Variants in ATP6V0A4 observed in about 807,000 individuals in gnomAD.
ATP6V0A4 encodes the protein ATPase H+ transporting V0 subunit a4.
A neutral mutation model predicts 107.3 loss-of-function variants in ATP6V0A4; 86 were observed. The ratio of observed to expected loss-of-function variants is 0.80; its 90% CI spans 0.67 to 0.96. ATP6V0A4 has a LOEUF of 0.96. Ranked by LOEUF, ATP6V0A4 falls within the 40% of genes least tolerant of loss-of-function variation. The probability of loss-of-function intolerance (pLI) is 0.00; values close to 1 mark genes in which losing one functional copy is unlikely to be tolerated. For missense variants in ATP6V0A4, 908 were observed against 1,045.6 expected, an observed-to-expected ratio of 0.87 and a Z score of 1.81; for synonymous variants, 353 against 381.4, an observed-to-expected ratio of 0.93 and a Z score of 0.87.
chr7:138,718,480 G>T (rs1804234438), intron 19 of ATP6V0A4, among the ~76,000 whole-genome samples: 6 of 127,260 alleles, frequency 4.7e-5, no homozygotes, highest in South Asian at 2.9e-4. Context: ...ATGGCGGGGA[G>T]GGTGCAGTCA....
At chr7:138,729,033 G>C (rs957479219) in intron 17 of ATP6V0A4, 171 bp from the exon 18 acceptor site, 4 of 826,326 alleles carry the variant, frequency 4.8e-6, no homozygotes, top group Non-Finnish European at 5.8e-6. Flanking sequence ...CTTGCAGATA[G>C]AGAAATATCT....
intron 2 of ATP6V0A4, among the ~76,000 whole-genome samples, chr7:138,784,277 TATACATATATATAC>T (rs1471291684): frequency 2.8e-5 from 1 of 35,490 alleles, no homozygotes; most frequent in Non-Finnish European, 5.9e-5. Flanking sequence ...CATATATATA[TATACATATATATAC>T]ACACACACAC....
chr7:138,789,270 C>T (rs1034600881), intron 1 of ATP6V0A4, among the ~76,000 whole-genome samples: 2 of 151,638 alleles, frequency 1.3e-5, no homozygotes, highest in African/African-American at 4.8e-5. Context: ...CTTTTTGAGA[C>T]AGAGTCTCGC....
intron 15 of ATP6V0A4, among the ~76,000 whole-genome samples, chr7:138,737,795 C>G (rs1422560650): frequency 7.0e-6 from 1 of 142,482 alleles, no homozygotes; most frequent in Non-Finnish European, 1.5e-5. Flanking sequence ...GGCTCTCACT[C>G]TGGTTGCCTA....
intron 16 of ATP6V0A4, among the ~76,000 whole-genome samples, chr7:138,733,452 T>C (rs1178205884): frequency 6.6e-6 from 1 of 151,748 alleles, no homozygotes; most frequent in Non-Finnish European, 1.5e-5. Flanking sequence ...GGATATATAA[T>C]GGGGACCTGG....
chr7:138,771,357 AGGG>A, intron 2 of ATP6V0A4, 93 bp from the exon 3 acceptor site: 3 of 1,405,182 alleles, frequency 2.1e-6, no homozygotes, highest in Admixed American at 4.1e-5. Flanking sequence ...AAAATCTAAC[AGGG>A]AAAAAAAATC....
At chr7:138,720,291 C>T (rs1021632979) in intron 19 of ATP6V0A4, among the ~76,000 whole-genome samples, 7 of 152,126 alleles carry the variant, frequency 4.6e-5, no homozygotes, top group African/African-American at 1.7e-4. Context: ...GGGAGGCACA[C>T]ATTTGCCTGG....
chr7:138,726,611 G>A (rs945957527), intron 18 of ATP6V0A4, among the ~76,000 whole-genome samples: 2 of 152,214 alleles, frequency 1.3e-5, no homozygotes, highest in African/African-American at 2.4e-5. Context: ...TATGTATTAG[G>A]TCTGTAGGAT....
intron 1 of ATP6V0A4, among the ~76,000 whole-genome samples, chr7:138,786,924 A>G (rs1045111625): frequency 6.6e-6 from 1 of 152,236 alleles, no homozygotes; most frequent in Non-Finnish European, 1.5e-5. Flanking sequence ...AGAAAAAAAA[A>G]GAATTTAAAT....
intron 8 of ATP6V0A4, among the ~76,000 whole-genome samples, chr7:138,757,742 C>A (rs10277746): frequency 0.028 from 4,271 of 152,198 alleles, 211 homozygotes; most frequent in African/African-American, 0.098. Flanking sequence ...AAATAAAAAT[C>A]CACATGCATA....
chr7:138,752,292 C>A (rs1394636774), intron 11 of ATP6V0A4, among the ~76,000 whole-genome samples: 1 of 151,924 alleles, frequency 6.6e-6, no homozygotes, highest in Non-Finnish European at 1.5e-5. Flanking sequence ...ATCACTTGAA[C>A]CCGGGAGGCA....
At chr7:138,718,229 TGCGC>T (rs375437432) in intron 19 of ATP6V0A4, among the ~76,000 whole-genome samples, 1,321 of 15,390 alleles carry the variant, frequency 0.086, 414 homozygotes, top group Non-Finnish European at 0.099. Flanking sequence ...TGTGTGTGTG[TGCGC>T]GCAGTTATGG....
chr7:138,732,876 C>A lies in ATP6V0A4; in HGVS notation c.1908+1G>T, dbSNP rs775648355. 6.3e-7 allele frequency: 1 copy of A among 1,593,188 alleles called. No individual in the cohort carries two copies. Among genetic ancestry groups the A allele is most frequent in the South Asian group, 1.1e-5 (1 of 88,186 alleles). On this transcript the variant is annotated splice_donor_variant, in intron 17 of 21. Coordinates refer to ENST00000310018, the MANE Select transcript of ATP6V0A4 (RefSeq NM_020632.3). LOFTEE classifies it high-confidence loss of function. ...TAAAAAAAAAAAAATAGCAGAAATA[C>A]CTGATGTTTGTAGAGGGGTGCGTTG...
chr7:138,762,866 C>T (rs200735521), intron 6 of ATP6V0A4, 34 bp downstream of exon 6: 11 of 1,608,118 alleles, frequency 6.8e-6, no homozygotes, highest in East Asian at 6.7e-5. Context: ...TTCTGAGGAA[C>T]GGGCCCTTTA....
intron 2 of ATP6V0A4, among the ~76,000 whole-genome samples, chr7:138,777,018 G>A (rs990587326): frequency 6.6e-5 from 10 of 151,924 alleles, no homozygotes; most frequent in Non-Finnish European, 1.0e-4. Flanking sequence ...GTGTGGTGGC[G>A]TGTGCCTGTA....
chr7:138,707,526 C>T (rs1215516475), intron 21 of ATP6V0A4, among the ~76,000 whole-genome samples: 7 of 147,580 alleles, frequency 4.7e-5, no homozygotes, highest in Non-Finnish European at 1.0e-4. Context: ...CTCAGCCTTC[C>T]GAGTAGCTGG....
intron 8 of ATP6V0A4, among the ~76,000 whole-genome samples, chr7:138,757,402 G>A (rs1806565542): frequency 6.6e-6 from 1 of 152,136 alleles, no homozygotes; most frequent in South Asian, 2.1e-4. Context: ...TGTGGTCCCA[G>A]CTACCAGGAA....
At chr7:138,710,230 C>T (rs952317761) in intron 20 of ATP6V0A4, among the ~76,000 whole-genome samples, 2 of 140,854 alleles carry the variant, frequency 1.4e-5, no homozygotes, top group African/African-American at 2.7e-5. Flanking sequence ...TCGCTCTTGT[C>T]GCCCAGTCTG....
chr7:138,759,515 C>A (rs1254643469), intron 8 of ATP6V0A4, among the ~76,000 whole-genome samples: 1 of 152,002 alleles, frequency 6.6e-6, no homozygotes, highest in Non-Finnish European at 1.5e-5. Flanking sequence ...ATAGCTATGT[C>A]TCTGGGAAGA....
Sources: gnomAD v4.1 joint callset for allele counts (sites outside exome capture counted in the v4.1 genomes callset) on GRCh38, gnomAD v4.1.1 for gene constraint, MANE v1.5 for transcripts, NCBI Gene and HGNC (gene_info 2026-07-23, HGNC 2026-07-21) for gene names.